The following ZNF528 variants were observed in gnomAD, a reference collection of about 807,000 sequenced individuals.
ZNF528 encodes zinc finger protein 528.
ZNF528 carries 9 observed loss-of-function variants against 13.3 expected under a neutral mutation model. That is an observed-to-expected ratio of 0.67 (90% confidence interval 0.41 to 1.18). ZNF528 has a LOEUF of 1.18. Ranked by LOEUF, ZNF528 falls within the 50% of genes most tolerant of loss-of-function variation. ZNF528 has a pLI of 0.01. For missense variants in ZNF528, 858 were observed against 745.4 expected (o/e 1.15, Z -1.76); for synonymous variants, 264 against 254.3 (o/e 1.04, Z -0.36).
chr19:52,400,436 A>C lies in ZNF528; in HGVS notation c.-136-1249A>C, dbSNP rs922307413. 2.2e-4 allele frequency among the ~76,000 whole-genome samples: 34 copies of C among 152,014 alleles called. 1 individual carries two copies. The highest frequency in any genetic ancestry group is 2.1e-3 in the Admixed American group (32 of 15,284). On this transcript the variant is annotated intron_variant, in intron 2 of 6. Transcript: ENST00000360465. Reference sequence around the variant, plus strand: ...TCCATTTCTTGCTTGACCCCATCCAATCAGGTTTTGACACCAACCATTCCA... The same window carrying C: ...TCCATTTCTTGCTTGACCCCATCCACTCAGGTTTTGACACCAACCATTCCA...
chr19:52,404,737 C>T (rs892861679), intron 4 of ZNF528, among the ~76,000 whole-genome samples: 2 of 151,902 alleles, frequency 1.3e-5, no homozygotes, highest in African/African-American at 2.4e-5. Flanking sequence ...GCTGGGATTA[C>T]AGGCACTCAC....
chr19:52,407,231 T>C (rs2058869040), intron 6 of ZNF528, among the ~76,000 whole-genome samples: 1 of 151,872 alleles, frequency 6.6e-6, no homozygotes, highest in Non-Finnish European at 1.5e-5. Context: ...CTCGACTTCC[T>C]GGGCTCAAGT....
chr19:52,406,687 T>C, intron 6 of ZNF528, 44 bp downstream of exon 6: 1 of 1,580,396 alleles, frequency 6.3e-7, no homozygotes, highest in Non-Finnish European at 8.6e-7. Context: ...TAATTTTTGT[T>C]TTTTGAGACA....
chr19:52,403,107 A>G (rs1429070865), intron 4 of ZNF528, among the ~76,000 whole-genome samples: 2 of 152,248 alleles, frequency 1.3e-5, no homozygotes, highest in South Asian at 2.1e-4. Flanking sequence ...CCATATGTTT[A>G]TAAAATAAGT....
rs948148172 is a variant in ZNF528 at position 52,416,736 on chromosome 19, A to T, written c.1884A>T (p.Ser628=). 3.9e-6 allele frequency: 6 copies of T among 1,536,538 alleles called. No homozygotes were observed. The highest frequency in any genetic ancestry group is 5.3e-6 in the Non-Finnish European group (6 of 1,137,218). ...SDLAQHQRVH[S] ...TTGCACAGCATCAGAGAGTTCATTC[A>T]TGAGAGTCCCTACAAACTGTATGGC... The change falls in exon 7 of 7, where the codon TCA becomes TCT. Residue 628 remains serine (S), a synonymous_variant. Coordinates refer to ENST00000360465, the MANE Select transcript of ZNF528 (RefSeq NM_032423.3).
intron 2 of ZNF528, among the ~76,000 whole-genome samples, 161 bp from the exon 3 acceptor site, chr19:52,401,524 T>C (rs1004366000): frequency 3.3e-5 from 5 of 152,296 alleles, no homozygotes; most frequent in African/African-American, 9.6e-5. Flanking sequence ...CCTCATCTCC[T>C]GCCTCTGTTC....
chr19:52,400,210 G>A (rs901045383), intron 2 of ZNF528, among the ~76,000 whole-genome samples: 15 of 142,480 alleles, frequency 1.1e-4, no homozygotes, highest in Non-Finnish European at 2.0e-4. Flanking sequence ...TACCCAGATG[G>A]AGTTGTTGCC....
In ZNF528 at chr19:52,417,246, G is replaced by A. The variant is rs1279918923; in HGVS notation, c.*507G>A. 2 of 298,072 alleles carry A rather than the reference G, an allele frequency of 6.7e-6. No homozygotes were observed. The highest frequency in any genetic ancestry group is 6.6e-6 in the Non-Finnish European group (1 of 152,668). 18.5% of individuals were successfully genotyped at this position (298,072 alleles called of 1,614,324 possible). A position where few individuals can be genotyped will look rare whatever the true frequency, so the allele number is the denominator to read the frequency against. On this transcript the variant is annotated 3_prime_UTR_variant, in exon 7 of 7. Transcript: ENST00000360465. ...TGTGGTCCCTGGGAAAGAATCAGTA[G>A]GATGACAGGGCTGACTTCATTAGCT...
rs2058998031 is a variant in ZNF528, at chr19:52,416,014, A to G, written c.1162A>G (p.Lys388Glu). 2 of 1,614,158 alleles carry G rather than the reference A, an allele frequency of 1.2e-6. No individual in the cohort carries two copies. The highest frequency in any genetic ancestry group is 1.7e-6 in the Non-Finnish European group (2 of 1,180,024). Residue 388 changes from lysine to glutamate, a missense_variant, in exon 7 of 7, where the codon AAG becomes GAG. Coordinates refer to ENST00000360465, the MANE Select transcript of ZNF528 (RefSeq NM_032423.3). ...RKPYKCKECDKVFGRKCFLTS... is the reference protein window; with the variant it reads ...RKPYKCKECDEVFGRKCFLTS... Reference sequence around the variant, plus strand: ...ACCTTACAAATGTAAAGAATGTGACAAGGTCTTTGGGCGCAAGTGTTTCCT... The same window carrying G: ...ACCTTACAAATGTAAAGAATGTGACGAGGTCTTTGGGCGCAAGTGTTTCCT...
At chr19:52,410,927 T>A (rs1413128715) in intron 6 of ZNF528, among the ~76,000 whole-genome samples, 1 of 152,158 alleles carries the variant, frequency 6.6e-6, no homozygotes, top group African/African-American at 2.4e-5. Flanking sequence ...TCATTTAAAG[T>A]CTATAATGTG....
chr19:52,415,591 G>T lies in ZNF528; in HGVS notation c.739G>T (p.Gly247Cys), dbSNP rs749357677. The T allele has an allele frequency of 2.5e-6, 4 of 1,614,160 alleles. No homozygotes were observed. Among genetic ancestry groups the T allele is most frequent in the Middle Eastern group, 1.6e-4 (1 of 6,062 alleles). Residue 247 changes from glycine (G) to cysteine (C), a missense_variant, in exon 7 of 7, where the codon GGC (glycine) becomes TGC (cysteine). Coordinates refer to ENST00000360465, the MANE Select transcript of ZNF528 (RefSeq NM_032423.3). The stretch of plus-strand genomic sequence containing the variant: ...GAAGCCTTACAAATGTCATGAATGT[G>T]GCAAGCTCTTCAGTAGCAATTCAAA... ...GEKPYKCHEC[G>C]KLFSSNSNLS...
chr19:52,402,157 TC>T (rs1204886199), intron 4 of ZNF528, 129 bp downstream of exon 4: 4 of 1,305,410 alleles, frequency 3.1e-6, no homozygotes. Context: ...CATGGCTTCT[TC>T]CAGTCCCTTC....
chr19:52,416,951 A>G lies in ZNF528; in HGVS notation c.*212A>G. 1 of 540,314 alleles carries G rather than the reference A, an allele frequency of 1.9e-6. No homozygotes were observed. The highest frequency in any genetic ancestry group is 3.3e-5 in the Admixed American group (1 of 30,530). 33.5% of individuals were successfully genotyped at this position (540,314 alleles called of 1,614,324 possible). Reference sequence around the variant, plus strand: ...GTACTTGGGCTATTATTCAAGGACCATTGCTATAGAACACGATAGGATTTA... The same window carrying G: ...GTACTTGGGCTATTATTCAAGGACCGTTGCTATAGAACACGATAGGATTTA... On this transcript the variant is annotated 3_prime_UTR_variant, in exon 7 of 7. Coordinates refer to ENST00000360465, the MANE Select transcript of ZNF528 (RefSeq NM_032423.3).
rs1302445169 is a variant in ZNF528 at position 52,415,606 on chromosome 19, A to G, written c.754A>G (p.Ser252Gly). The stretch of plus-strand genomic sequence containing the variant: ...TCATGAATGTGGCAAGCTCTTCAGT[A>G]GCAATTCAAACCTTTCACAACATCA... ...KCHECGKLFS[S>G]NSNLSQHQRI... Residue 252 changes from serine (S) to glycine (G), a missense_variant, in exon 7 of 7, where the codon AGC becomes GGC. Transcript: ENST00000360465. 1 of 1,613,996 alleles carries G rather than the reference A, an allele frequency of 6.2e-7. No individual in the cohort carries two copies. Among genetic ancestry groups the G allele is most frequent in the Non-Finnish European group, 8.5e-7 (1 of 1,179,964 alleles).
chr19:52,409,304 T>C (rs1490399645), intron 6 of ZNF528, among the ~76,000 whole-genome samples: 3 of 143,228 alleles, frequency 2.1e-5, no homozygotes, highest in Non-Finnish European at 3.0e-5. Flanking sequence ...TCAAATCTCT[T>C]TTTTTTTTTT....
chr19:52,416,363 G>T lies in ZNF528; in HGVS notation c.1511G>T (p.Arg504Leu), dbSNP rs372030934. 6.2e-6 allele frequency: 10 copies of T among 1,613,610 alleles called. No individual in the cohort carries two copies. The African/African-American group carries it at 1.3e-4, about 22-fold the overall frequency. The change falls in exon 7 of 7, where the codon CGC (arginine) becomes CTC (leucine). Residue 504 changes from arginine (R) to leucine (L), a missense_variant. Physicochemically the swap from Arg to Leu is moderately radical, Grantham distance 102. Coordinates refer to ENST00000360465, the MANE Select transcript of ZNF528 (RefSeq NM_032423.3). ...AACAGATGTGGCAAGGTCTTCAGTC[G>T]CAGTTCAAACCTGGTATGCCATCAG... The part of the protein sequence containing the change: ...KCNRCGKVFS[R>L]SSNLVCHQKI...
intron 6 of ZNF528, chr19:52,414,398 C>T (rs1599840669): frequency 1.5e-6 from 1 of 684,746 alleles, no homozygotes; most frequent in South Asian, 1.5e-5. Flanking sequence ...GGTCAGGGGG[C>T]TCCTTCTAGT....
Position 52,405,217 on chromosome 19 carries a change from CAAAA to C in ZNF528, c.16-677_16-674del, listed in dbSNP as rs1156326821. Among the ~76,000 whole-genome samples the C allele has an allele frequency of 2.5e-4, 25 of 101,154 alleles. No homozygotes were observed. In the Admixed American group the frequency reaches 2.6e-3, roughly 10 times the overall value. The allele number at this position is 101,154 out of a possible 152,430, so 66.4% of individuals were successfully genotyped here. On this transcript the variant is annotated intron_variant, in intron 4 of 6. Transcript: ENST00000360465. The stretch of plus-strand genomic sequence containing the variant: ...GGGCAAAAAGAGCGAAACACCATCT[CAAAA>C]AAAAAAAAAAAACCCAAAACTACAG...
intron 2 of ZNF528, among the ~76,000 whole-genome samples, chr19:52,400,900 T>A (rs1406541844): frequency 6.6e-6 from 1 of 152,176 alleles, no homozygotes; most frequent in Admixed American, 6.6e-5. Context: ...CACTCTTTTT[T>A]TTCGCAGCTT....
Sources: allele counts gnomAD v4.1 joint callset (sites outside exome capture counted in the v4.1 genomes callset), GRCh38; gene constraint gnomAD v4.1.1; transcripts MANE v1.5; gene names NCBI Gene and HGNC (gene_info 2026-07-23, HGNC 2026-07-21).